The following CSMD3 variants were observed in gnomAD, a reference collection of about 807,000 sequenced individuals.
CSMD3 encodes the protein CUB and Sushi multiple domains 3, also known as CUB and sushi domain-containing protein 3.
In CSMD3, 177 loss-of-function variants were observed where a neutral mutation model predicts 435.2. That is an observed-to-expected ratio of 0.41 (90% CI 0.36 to 0.46). The LOEUF is 0.46. CSMD3 is among the 20% of genes least tolerant of loss of function. The pLI, the probability that CSMD3 is intolerant of heterozygous loss-of-function variation, is 0.34. For missense variants in CSMD3, 4,265 were observed against 4,504.6 expected, an observed-to-expected ratio of 0.95 and a Z score of 1.52; for synonymous variants, 1,656 against 1,520.5, an observed-to-expected ratio of 1.09 and a Z score of -2.07.
chr8:112,562,334 A>G (rs990243360), intron 24 of CSMD3, among the ~76,000 whole-genome samples: 1 of 151,642 alleles, frequency 6.6e-6, no homozygotes, highest in Admixed American at 6.6e-5. Flanking sequence ...TTTTAAATGT[A>G]ATAAAATATA....
chr8:113,240,542 T>C (rs780348963), intron 3 of CSMD3, among the ~76,000 whole-genome samples: 2 of 152,166 alleles, frequency 1.3e-5, no homozygotes. Context: ...GTAAACTTTC[T>C]ATGACAACTT....
chr8:112,783,251 T>C (rs2078438832), intron 13 of CSMD3, among the ~76,000 whole-genome samples: 1 of 151,906 alleles, frequency 6.6e-6, no homozygotes, highest in Admixed American at 6.6e-5. Context: ...TTGCAATAAG[T>C]GCTGTTAATA....
chr8:112,504,569 A>C (rs2130920144), intron 29 of CSMD3, among the ~76,000 whole-genome samples: 1 of 152,270 alleles, frequency 6.6e-6, no homozygotes, highest in African/African-American at 2.4e-5. Flanking sequence ...CTTTTTCCTG[A>C]AAGTAAATAT....
intron 24 of CSMD3, among the ~76,000 whole-genome samples, chr8:112,565,898 C>A (rs1462595561): frequency 6.6e-6 from 1 of 151,888 alleles, no homozygotes; most frequent in East Asian, 1.9e-4. Flanking sequence ...TTAGAGATTT[C>A]ATGAACAATA....
Position 112,648,615 on chromosome 8 carries a change from G to A in CSMD3, c.3193+1546C>T, listed in dbSNP as rs565590816. On this transcript the variant is annotated intron_variant, in intron 19 of 70. Coordinates refer to ENST00000297405, the MANE Select transcript of CSMD3 (RefSeq NM_198123.2). ...TGAAATAACCTTAGTGAGAAACATG[G>A]GGTTGGATGGAAAAATGATGAGGGC... 2.6e-5 allele frequency among the ~76,000 whole-genome samples: 4 copies of A among 152,214 alleles called. No homozygotes were observed. In the East Asian group the frequency reaches 5.8e-4, roughly 22 times the overall value.
Position 112,292,718 on chromosome 8 carries a change from G to A in CSMD3, c.8615-8C>T, listed in dbSNP as rs202177870. The A allele has an allele frequency of 1.2e-4, 191 of 1,612,720 alleles. No individual in the cohort carries two copies. The highest frequency in any genetic ancestry group is 1.1e-3 in the South Asian group (97 of 91,058). On this transcript the variant is annotated splice_polypyrimidine_tract_variant and splice_region_variant and intron_variant, in intron 54 of 70. Coordinates refer to ENST00000297405, the MANE Select transcript of CSMD3 (RefSeq NM_198123.2). ...GGTGACCACAGCTAACAGCTAATAA[G>A]ATGTGGCAGGAGGACAGGGAAGGAA...
chr8:113,183,420 C>G (rs1254191886), intron 3 of CSMD3, among the ~76,000 whole-genome samples: 2 of 152,000 alleles, frequency 1.3e-5, no homozygotes, highest in African/African-American at 4.8e-5. Flanking sequence ...TTCCCAACCC[C>G]CAACTTGTTC....
intron 6 of CSMD3, among the ~76,000 whole-genome samples, chr8:112,977,884 A>G (rs888480283): frequency 3.3e-5 from 5 of 152,014 alleles, no homozygotes; most frequent in Admixed American, 2.0e-4. Flanking sequence ...CTAATATTTG[A>G]TAATAATTTT....
intron 34 of CSMD3, 135 bp downstream of exon 34, chr8:112,408,183 T>G (rs897751873): frequency 1.4e-6 from 1 of 694,222 alleles, no homozygotes; most frequent in Non-Finnish European, 2.7e-6. Flanking sequence ...AGTGATCTAG[T>G]GATGGTGGAG....
intron 27 of CSMD3, among the ~76,000 whole-genome samples, chr8:112,540,421 C>G (rs770249519): frequency 7.9e-5 from 12 of 152,012 alleles, no homozygotes; most frequent in Non-Finnish European, 1.6e-4. Context: ...TCCAGCATTA[C>G]CATTGCCGGG....
chr8:113,337,854 C>CAA (rs137913099), intron 1 of CSMD3, among the ~76,000 whole-genome samples: 2 of 145,948 alleles, frequency 1.4e-5, no homozygotes, highest in African/African-American at 2.5e-5. Flanking sequence ...GTTTTTACCA[C>CAA]AAAAAAAAAA....
At chr8:112,685,988 T>C (rs1448081912) in intron 14 of CSMD3, among the ~76,000 whole-genome samples, 1 of 152,134 alleles carries the variant, frequency 6.6e-6, no homozygotes, top group Non-Finnish European at 1.5e-5. Context: ...TTTTGACATA[T>C]ATCTTGTTTA....
intron 41 of CSMD3, among the ~76,000 whole-genome samples, chr8:112,342,991 ATATATATATT>A (rs1307805158): frequency 4.1e-4 from 17 of 41,114 alleles, no homozygotes; most frequent in East Asian, 3.8e-3. Flanking sequence ...ATATATTTAT[ATATATATATT>A]TATATATATA....
rs2074944240 is a variant in CSMD3, at chr8:112,645,150, G to T, written c.3269C>A (p.Ser1090Tyr). 2 of 1,606,814 alleles carry T rather than the reference G, an allele frequency of 1.2e-6. No homozygotes were observed. The highest frequency in any genetic ancestry group is 1.7e-6 in the Non-Finnish European group (2 of 1,173,464). Residue 1090 changes from serine to tyrosine, a missense_variant, in exon 20 of 71, where the codon TCT becomes TAT. By Grantham distance (144) the Ser-to-Tyr change is moderately radical (BLOSUM62 -2). Transcript: ENST00000297405. Reference sequence around the variant, plus strand: ...ATCAACAGTCCATGTACAATTCAGAGAATTTGGATAAAATTCCGGGTAACC... The same window carrying T: ...ATCAACAGTCCATGTACAATTCAGATAATTTGGATAAAATTCCGGGTAACC... ...SPGYPEFYPN[S>Y]LNCTWTVDVT...
intron 5 of CSMD3, among the ~76,000 whole-genome samples, chr8:113,069,891 A>AT (rs1356793166): frequency 6.6e-6 from 1 of 152,110 alleles, no homozygotes; most frequent in African/African-American, 2.4e-5. Flanking sequence ...AAATAGCAAC[A>AT]GTCTAGGTGC....
At chr8:113,180,174 A>C (rs1402181487) in intron 3 of CSMD3, among the ~76,000 whole-genome samples, 27 of 151,998 alleles carry the variant, frequency 1.8e-4, no homozygotes, top group Admixed American at 1.8e-3. Context: ...CCAGATGATT[A>C]AAAATAATTT....
chr8:113,069,308 T>C (rs2088999179), intron 5 of CSMD3, among the ~76,000 whole-genome samples: 1 of 152,124 alleles, frequency 6.6e-6, no homozygotes, highest in South Asian at 2.1e-4. Flanking sequence ...ATAGCAAATT[T>C]CTGGGTTCCA....
chr8:112,941,004 C>G (rs1317313181), intron 9 of CSMD3, among the ~76,000 whole-genome samples: 1 of 151,408 alleles, frequency 6.6e-6, no homozygotes, highest in East Asian at 1.9e-4. Flanking sequence ...GGATCTTGCA[C>G]TTAGAAAAGT....
chr8:112,346,491 A>C (rs1825683146), intron 40 of CSMD3, among the ~76,000 whole-genome samples: 2 of 152,136 alleles, frequency 1.3e-5, no homozygotes, highest in African/African-American at 2.4e-5. Context: ...GTAAATATAA[A>C]CGAACAAAGA....
Sources: allele counts gnomAD v4.1 joint callset (sites outside exome capture counted in the v4.1 genomes callset), GRCh38; gene constraint gnomAD v4.1.1; transcripts MANE v1.5; gene names NCBI Gene and HGNC (gene_info 2026-07-23, HGNC 2026-07-21).